SLC22A16: variants seen among roughly 807,000 people sequenced by gnomAD.
The protein encoded by SLC22A16 is solute carrier family 22 member 16.
Under a neutral mutation model 52.9 loss-of-function variants are expected in SLC22A16, and 53 were observed. The ratio of observed to expected loss-of-function variants is 1.00; its 90% confidence interval spans 0.80 to 1.26. The LOEUF (loss-of-function observed/expected upper bound fraction) is 1.26. SLC22A16 is among the 50% of genes most tolerant of loss of function. The probability of loss-of-function intolerance (pLI) is 0.00; values close to 1 mark genes in which losing one functional copy is unlikely to be tolerated. For missense variants in SLC22A16, 726 were observed against 704.0 expected, an observed-to-expected ratio of 1.03 and a Z score of -0.35; for synonymous variants, 291 against 268.8, an observed-to-expected ratio of 1.08 and a Z score of -0.81.
rs1280104794 is a variant in SLC22A16, at chr6:110,454,775, T to TATATATAAATATATAA, written c.533+1747_533+1762dup. Among the ~76,000 whole-genome samples, 57 of 51,610 alleles carry TATATATAAATATATAA rather than the reference T, an allele frequency of 1.1e-3. 1 individual carries two copies. The highest frequency in any genetic ancestry group is 5.6e-3 in the African/African-American group (54 of 9,578). 33.9% of individuals were successfully genotyped at this position (51,610 alleles called of 152,430 possible). A position where few individuals can be genotyped will look rare whatever the true frequency, so the allele number is the denominator to read the frequency against. ...TATTATATACATTTATATATATAAA[T>TATATATAAATATATAA]ATATATAAATATATAAATATATATA... On this transcript the variant is annotated intron_variant, in intron 2 of 7. Transcript: ENST00000368919.
chr6:110,442,753 ACCACAAGATAG>A lies in SLC22A16; in HGVS notation c.663_673del (p.Tyr222GlyfsTer77). 6.2e-7 allele frequency: 1 copy of A among 1,612,990 alleles called. No homozygotes were observed. The highest frequency in any genetic ancestry group is 8.5e-7 in the Non-Finnish European group (1 of 1,179,604). On this transcript the variant is annotated frameshift_variant, in exon 4 of 8. Transcript: ENST00000368919. LOFTEE classifies it high-confidence loss of function. ...GAATTCCATCACATAGACAAACCCC[ACCACAAGATAG>A]CCACTTGCAACCTGAAAAACAAATA...
At chr6:110,425,133 G>T in intron 7 of SLC22A16, 48 bp from the exon 8 acceptor site, 2 of 1,606,076 alleles carry the variant, frequency 1.2e-6, no homozygotes, top group South Asian at 2.2e-5. Flanking sequence ...AGAAAGGAAC[G>T]AACCCTTCGG....
intron 7 of SLC22A16, 166 bp from the exon 8 acceptor site, chr6:110,425,251 G>A (rs1318801458): frequency 3.6e-5 from 55 of 1,517,132 alleles, no homozygotes; most frequent in African/African-American, 5.6e-5. Flanking sequence ...GCTGGACTTC[G>A]AGTTCTTTTC....
At chr6:110,466,283 C>A (rs373167133) in intron 1 of SLC22A16, among the ~76,000 whole-genome samples, 2 of 152,040 alleles carry the variant, frequency 1.3e-5, no homozygotes, top group African/African-American at 4.8e-5. Context: ...CAAAAATAGA[C>A]AAATGGGAAT....
chr6:110,444,485 G>A (rs1701208501), intron 3 of SLC22A16, among the ~76,000 whole-genome samples: 1 of 152,158 alleles, frequency 6.6e-6, no homozygotes, highest in Non-Finnish European at 1.5e-5. Flanking sequence ...AAAGTTAACA[G>A]GTCTCTCTGC....
chr6:110,473,567 C>T (rs1239268541), intron 1 of SLC22A16, among the ~76,000 whole-genome samples: 1 of 116,788 alleles, frequency 8.6e-6, no homozygotes, highest in Non-Finnish European at 1.6e-5. Context: ...TTCTGTCGCC[C>T]GGGCTGGAGT....
In SLC22A16 at chr6:110,466,850, G is replaced by A. The variant is rs143264068; in HGVS notation, c.53+9672C>T. On this transcript the variant is annotated intron_variant, in intron 1 of 7. Transcript: ENST00000368919. ...GTCTGTTTATCACAGCACTATTCAC[G>A]ATTGCAAAGCCAAAGAATCAACCTA... is the stretch of plus-strand genomic sequence containing the variant. Among the ~76,000 whole-genome samples the A allele has an allele frequency of 1.5e-3, 230 of 152,012 alleles. 1 individual carries two copies. Among genetic ancestry groups the A allele is most frequent in the Non-Finnish European group, 2.5e-3 (169 of 67,968 alleles).
At chr6:110,431,131 T>C in intron 7 of SLC22A16, 40 bp downstream of exon 7, 2 of 1,553,432 alleles carry the variant, frequency 1.3e-6, no homozygotes, top group Non-Finnish European at 1.8e-6. Context: ...AGAAACTGCC[T>C]CCGTGCCCCC....
intron 1 of SLC22A16, among the ~76,000 whole-genome samples, chr6:110,471,915 C>T (rs1232391386): frequency 6.6e-6 from 1 of 152,200 alleles, no homozygotes; most frequent in African/African-American, 2.4e-5. Flanking sequence ...GGAACAGGTG[C>T]CAGGCATGCC....
intron 1 of SLC22A16, among the ~76,000 whole-genome samples, chr6:110,466,658 A>G (rs1344175983): frequency 1.3e-5 from 2 of 152,184 alleles, no homozygotes; most frequent in Non-Finnish European, 2.9e-5. Context: ...AAAAGGGAAC[A>G]TTTATACACT....
rs746314880 is a variant in SLC22A16, at chr6:110,435,909, C to G, written c.1364G>C (p.Gly455Ala). 3 of 1,613,956 alleles carry G rather than the reference C, an allele frequency of 1.9e-6. No individual in the cohort carries two copies. In the African/African-American group the frequency reaches 4.0e-5, roughly 22 times the overall value. Residue 455 changes from glycine to alanine, a missense_variant, in exon 6 of 8, where the codon GGG becomes GCG. Coordinates refer to ENST00000368919, the MANE Select transcript of SLC22A16 (RefSeq NM_033125.4). ...AAGATAAATGAGGCCAAATGCTGCCCCGATGGCAAATTTTCCAACCATAGC... is the reference window on the plus strand; with the variant it reads ...AAGATAAATGAGGCCAAATGCTGCCGCGATGGCAAATTTTCCAACCATAGC... ...VTAMVGKFAI[G>A]AAFGLIYLYT...
intron 1 of SLC22A16, among the ~76,000 whole-genome samples, chr6:110,461,583 G>A (rs1775886259): frequency 6.6e-6 from 1 of 152,108 alleles, no homozygotes; most frequent in African/African-American, 2.4e-5. Context: ...AGAGCACAGT[G>A]CTAGTGTATG....
intron 1 of SLC22A16, among the ~76,000 whole-genome samples, chr6:110,457,351 G>C (rs1295091020): frequency 6.6e-6 from 1 of 151,978 alleles, no homozygotes; most frequent in Non-Finnish European, 1.5e-5. Flanking sequence ...AATAAGCCTG[G>C]AATATCTTAC....
intron 7 of SLC22A16, among the ~76,000 whole-genome samples, chr6:110,429,042 G>T (rs1254866898): frequency 6.6e-6 from 1 of 151,892 alleles, no homozygotes; most frequent in Admixed American, 6.6e-5. Context: ...TATTTATTTG[G>T]TTTTATTTCT....
chr6:110,424,713 A>T lies in SLC22A16; in HGVS notation c.*160T>A, dbSNP rs1323463509. The T allele has an allele frequency of 1.2e-5, 10 of 826,898 alleles. No homozygotes were observed. The highest frequency in any genetic ancestry group is 1.8e-5 in the Non-Finnish European group (10 of 552,788). The allele number at this position is 826,898 out of a possible 1,614,324, so 51.2% of individuals were successfully genotyped here. ...TTTTAAAACTGAGAATTTTCATCTT[A>T]GTTTTTATTTCTTTTATAACATATT... On this transcript the variant is annotated 3_prime_UTR_variant, in exon 8 of 8. Transcript: ENST00000368919.
At chr6:110,469,256 C>A (rs1384216984) in intron 1 of SLC22A16, among the ~76,000 whole-genome samples, 11 of 152,186 alleles carry the variant, frequency 7.2e-5, no homozygotes, top group Admixed American at 7.2e-4. Flanking sequence ...AGGCCGGGCG[C>A]AGTGGCTCAT....
chr6:110,466,814 C>T (rs1238765681), intron 1 of SLC22A16, among the ~76,000 whole-genome samples: 1 of 152,090 alleles, frequency 6.6e-6, no homozygotes, highest in African/African-American at 2.4e-5. Context: ...ATCAAAAAGA[C>T]ACCTGCATTT....
At position 110,456,880 on chromosome 6, in the gene SLC22A16, T is replaced by C; in HGVS notation, c.191A>G (p.His64Arg). Residue 64 changes from histidine to arginine, a missense_variant, in exon 2 of 8, where the codon CAT becomes CGT. Physicochemically the swap from His to Arg is conservative, Grantham distance 29. Transcript: ENST00000368919. The stretch of plus-strand genomic sequence containing the variant: ...CTCCAAACTCCAATTAGAGTGATTA[T>C]GGAAAACAACCTGACTCACATTGCC... ...PPGNVSQVVFHNHSNWSLEDT... is the reference protein window; with the variant it reads ...PPGNVSQVVFRNHSNWSLEDT... 1.2e-6 allele frequency: 2 copies of C among 1,614,074 alleles called. No homozygotes were observed. Among genetic ancestry groups the C allele is most frequent in the Non-Finnish European group, 1.7e-6 (2 of 1,179,970 alleles).
intron 7 of SLC22A16, among the ~76,000 whole-genome samples, chr6:110,429,696 C>T (rs112201531): frequency 6.6e-6 from 1 of 152,132 alleles, no homozygotes; most frequent in Non-Finnish European, 1.5e-5. Context: ...TGAAGACACA[C>T]GCACAAATAA....
Sources: gnomAD v4.1 joint callset for allele counts (sites outside exome capture counted in the v4.1 genomes callset) on GRCh38, gnomAD v4.1.1 for gene constraint, MANE v1.5 for transcripts, NCBI Gene and HGNC (gene_info 2026-07-23, HGNC 2026-07-21) for gene names.